The following MEMO1 variants were observed in gnomAD, a reference collection of about 807,000 sequenced individuals.
MEMO1 encodes the protein protein MEMO1.
Under a neutral mutation model 45.2 loss-of-function variants are expected in MEMO1, and 6 were observed. The observed-to-expected ratio is 0.13, with a 90% CI of 0.07 to 0.26. The LOEUF is 0.26. MEMO1 is among the 10% of genes least tolerant of loss of function. The pLI is 1.00. For missense variants in MEMO1, 184 were observed against 370.5 expected (o/e 0.50, Z 4.13); for synonymous variants, 78 against 124.3 (o/e 0.63, Z 2.48).
intron 2 of MEMO1, among the ~76,000 whole-genome samples, chr2:31,993,228 A>C (rs1017893987): frequency 2.0e-5 from 3 of 152,234 alleles, no homozygotes; most frequent in Non-Finnish European, 4.4e-5. Flanking sequence ...ACTAAGAAAA[A>C]TACACATTAA....
At chr2:31,911,248 G>C (rs1472543614) in intron 6 of MEMO1, among the ~76,000 whole-genome samples, 1 of 152,186 alleles carries the variant, frequency 6.6e-6, no homozygotes, top group East Asian at 1.9e-4. Flanking sequence ...TTGAAGGTAT[G>C]TCGTTAAATG....
At chr2:31,967,124 AT>A (rs35691981) in intron 2 of MEMO1, among the ~76,000 whole-genome samples, 107,608 of 118,474 alleles carry the variant, frequency 0.91, 48,595 homozygotes, top group South Asian at 0.97. Context: ...TCAGTATTTT[AT>A]TTTTTTTTTT....
intron 2 of MEMO1, among the ~76,000 whole-genome samples, chr2:31,984,934 G>A (rs571970187): frequency 6.6e-6 from 1 of 152,346 alleles, no homozygotes; most frequent in South Asian, 2.1e-4. Flanking sequence ...CCATGTAAGA[G>A]TAAGATGTTA....
intron 2 of MEMO1, among the ~76,000 whole-genome samples, chr2:31,954,412 C>T (rs978260017): frequency 6.6e-6 from 1 of 152,070 alleles, no homozygotes; most frequent in Non-Finnish European, 1.5e-5. Flanking sequence ...AGTGAGACCC[C>T]TGTTTAACAT....
intron 2 of MEMO1, among the ~76,000 whole-genome samples, chr2:31,996,096 T>C (rs1216554625): frequency 6.7e-6 from 1 of 148,942 alleles, no homozygotes; most frequent in Admixed American, 6.8e-5. Flanking sequence ...TAATATAAAA[T>C]CAAAAATACA....
At chr2:31,983,680 T>G (rs1670932271) in intron 2 of MEMO1, among the ~76,000 whole-genome samples, 1 of 152,180 alleles carries the variant, frequency 6.6e-6, no homozygotes, top group Admixed American at 6.5e-5. Context: ...GTGATCCGCC[T>G]GCCTCAGCCA....
At chr2:32,009,498 A>T (rs996970839) in intron 2 of MEMO1, among the ~76,000 whole-genome samples, 7 of 152,140 alleles carry the variant, frequency 4.6e-5, no homozygotes, top group African/African-American at 1.7e-4. Context: ...GGTAACGTAA[A>T]AAAGTGCTAC....
chr2:31,988,789 G>A (rs1419574305), intron 2 of MEMO1, among the ~76,000 whole-genome samples: 1 of 152,154 alleles, frequency 6.6e-6, no homozygotes, highest in Non-Finnish European at 1.5e-5. Flanking sequence ...AAAGATGGCT[G>A]TCTCAAGAAA....
chr2:31,958,208 A>G (rs1667619764), intron 2 of MEMO1, among the ~76,000 whole-genome samples: 1 of 152,048 alleles, frequency 6.6e-6, no homozygotes, highest in South Asian at 2.1e-4. Flanking sequence ...ACAGTCCATA[A>G]AAGTTGAGTT....
intron 3 of MEMO1, among the ~76,000 whole-genome samples, chr2:31,933,344 A>ATATATATATAT (rs1664462781): frequency 2.8e-5 from 1 of 35,418 alleles, no homozygotes; most frequent in African/African-American, 1.2e-4. Flanking sequence ...AAAAAAAAAA[A>ATATATATATAT]AAAAATTTAT....
At chr2:31,919,948 ACG>A (rs1491100919) in intron 5 of MEMO1, among the ~76,000 whole-genome samples, 10 of 53,226 alleles carry the variant, frequency 1.9e-4, no homozygotes, top group Admixed American at 1.0e-3. Flanking sequence ...ACACACATAC[ACG>A]TGTGTGTGTG....
At chr2:32,003,415 A>C (rs181713481) in intron 2 of MEMO1, among the ~76,000 whole-genome samples, 1 of 152,158 alleles carries the variant, frequency 6.6e-6, no homozygotes, top group Admixed American at 6.6e-5. Context: ...TTGCCAAGGG[A>C]AAAAAAGCAA....
chr2:31,963,047 C>A, intron 2 of MEMO1: 1 of 1,292,762 alleles, frequency 7.7e-7, no homozygotes, highest in Non-Finnish European at 1.0e-6. Context: ...ATTTCTTCTG[C>A]CTTCACCTTC....
At chr2:31,908,973 T>A (rs1050838754) in intron 6 of MEMO1, among the ~76,000 whole-genome samples, 16 of 152,194 alleles carry the variant, frequency 1.1e-4, no homozygotes, top group African/African-American at 3.9e-4. Context: ...AATTATAGAA[T>A]GTGTCTCCTC....
intron 4 of MEMO1, among the ~76,000 whole-genome samples, chr2:31,930,077 C>T (rs957558158): frequency 3.9e-5 from 6 of 152,178 alleles, no homozygotes; most frequent in African/African-American, 1.4e-4. Flanking sequence ...CTGGCCAAAG[C>T]CAGGCGAAAG....
At chr2:31,879,388 TC>T (rs1675022080) in intron 8 of MEMO1, among the ~76,000 whole-genome samples, 1 of 152,118 alleles carries the variant, frequency 6.6e-6, no homozygotes, top group Admixed American at 6.6e-5. Flanking sequence ...CTGATCTAAC[TC>T]CCCCTTTGTT....
At chr2:31,950,063 G>A (rs1666657477) in intron 2 of MEMO1, among the ~76,000 whole-genome samples, 1 of 152,068 alleles carries the variant, frequency 6.6e-6, no homozygotes. Flanking sequence ...ACACTTATTG[G>A]CAGAGTTCTT....
At chr2:31,969,587 GTGT>G (rs1558541982) in intron 2 of MEMO1, among the ~76,000 whole-genome samples, 4 of 32,040 alleles carry the variant, frequency 1.2e-4, no homozygotes, top group Admixed American at 3.0e-4. Flanking sequence ...GTGTGTGTGG[GTGT>G]GTGTGTGTGT....
chr2:31,869,768 T>C (rs1673395563), intron 9 of MEMO1, 80 bp downstream of exon 9: 8 of 1,435,772 alleles, frequency 5.6e-6, no homozygotes, highest in South Asian at 1.4e-5. Context: ...AAACCAATGA[T>C]GCCATTGTAT....
Sources: allele counts gnomAD v4.1 joint callset (sites outside exome capture counted in the v4.1 genomes callset), GRCh38; gene constraint gnomAD v4.1.1; transcripts MANE v1.5; gene names NCBI Gene and HGNC (gene_info 2026-07-23, HGNC 2026-07-21).